The following GNG2 variants were observed in gnomAD, a reference collection of about 807,000 sequenced individuals.
GNG2 encodes guanine nucleotide-binding protein G(I)/G(S)/G(O) subunit gamma-2.
GNG2 carries 5 observed loss-of-function variants against 5.5 expected under a neutral mutation model. The ratio of observed to expected loss-of-function variants is 0.91; its 90% CI spans 0.48 to 1.92. The LOEUF (loss-of-function observed/expected upper bound fraction) is 1.92, where lower values mean the gene tolerates loss of function less well. GNG2 is among the 30% of genes most tolerant of loss of function. The pLI is 0.01. For missense variants in GNG2, 55 were observed against 88.4 expected, an observed-to-expected ratio of 0.62 and a Z score of 1.52; for synonymous variants, 28 against 32.0, an observed-to-expected ratio of 0.88 and a Z score of 0.42.
intron 2 of GNG2, among the ~76,000 whole-genome samples, chr14:51,832,651 T>C (rs1881229364): frequency 6.6e-6 from 1 of 152,240 alleles, no homozygotes; most frequent in Non-Finnish European, 1.5e-5. Flanking sequence ...GTTCTCTTTC[T>C]GGATTTTGGA....
chr14:51,943,237 T>G (rs1406934920), intron 2 of GNG2, among the ~76,000 whole-genome samples: 1 of 152,218 alleles, frequency 6.6e-6, no homozygotes, highest in Non-Finnish European at 1.5e-5. Context: ...CACCCTCTTT[T>G]TAACCAAAAG....
intron 2 of GNG2, among the ~76,000 whole-genome samples, chr14:51,888,660 G>T (rs778223869): frequency 5.9e-5 from 9 of 152,116 alleles, no homozygotes; most frequent in Non-Finnish European, 1.0e-4. Context: ...TACCACAGCT[G>T]ACGTCTCCAT....
chr14:51,915,212 C>T lies in GNG2; in HGVS notation c.-29-35438C>T, dbSNP rs993604591. On this transcript the variant is annotated intron_variant, in intron 2 of 3. Coordinates refer to ENST00000556766, the MANE Select transcript of GNG2 (RefSeq NM_053064.5). ...CTTTTCTTAGAATAAGGGCATCATC[C>T]TTAAAGGTAAAAAGCCAAGGCCTTC... Among the ~76,000 whole-genome samples, 10 of 152,290 alleles carry T rather than the reference C, an allele frequency of 6.6e-5. No homozygotes were observed. In the East Asian group the frequency reaches 1.9e-3, roughly 29 times the overall value.
intron 2 of GNG2, among the ~76,000 whole-genome samples, chr14:51,947,426 G>C (rs1888705308): frequency 6.6e-6 from 1 of 152,280 alleles, no homozygotes; most frequent in South Asian, 2.1e-4. Context: ...GTCAGTCAGA[G>C]GAAGATGTGA....
At chr14:51,865,329 C>T (rs1882803081) in intron 1 of GNG2, among the ~76,000 whole-genome samples, 2 of 152,184 alleles carry the variant, frequency 1.3e-5, no homozygotes, top group South Asian at 4.2e-4. Flanking sequence ...TCCACCCTCC[C>T]ACCCTCACCT....
Position 51,834,926 on chromosome 14 carries a change from G to A in GNG2, c.64+7119G>A, listed in dbSNP as rs1426726924. Among the ~76,000 whole-genome samples, 7 of 152,132 alleles carry A rather than the reference G, an allele frequency of 4.6e-5. No homozygotes were observed. In the South Asian group the frequency reaches 6.2e-4, roughly 14 times the overall value. On this transcript the variant is annotated intron_variant, in intron 2 of 3. Coordinates refer to the GNG2 transcript ENST00000553432. ...TAAAGTTACCCTAAATGTCTACCCC[G>A]CTTCTATATAAATGAATAAGGACAA... is the stretch of plus-strand genomic sequence containing the variant.
At chr14:51,840,624 A>G (rs1020172584) in intron 2 of GNG2, among the ~76,000 whole-genome samples, 6 of 152,200 alleles carry the variant, frequency 3.9e-5, no homozygotes, top group African/African-American at 1.4e-4. Flanking sequence ...TGTTGCCTCC[A>G]AATATTTCCT....
At chr14:51,849,212 A>C (rs1881794229) in intron 2 of GNG2, among the ~76,000 whole-genome samples, 1 of 152,170 alleles carries the variant, frequency 6.6e-6, no homozygotes, top group African/African-American at 2.4e-5. Flanking sequence ...AGGAGACCTA[A>C]GATCCTCCCC....
In GNG2 at chr14:51,841,520, G is replaced by C. The variant is rs1389153455; in HGVS notation, c.64+13713G>C. ...CCATTTTACAGACAAGAATCCCAGAGCATAGAAAAGTCACACAGCTAATTA... is the reference window on the plus strand; with the variant it reads ...CCATTTTACAGACAAGAATCCCAGACCATAGAAAAGTCACACAGCTAATTA... On this transcript the variant is annotated intron_variant, in intron 2 of 3. Coordinates refer to the GNG2 transcript ENST00000553432. 3 of 702,046 alleles carry C rather than the reference G, an allele frequency of 4.3e-6. No homozygotes were observed. In the African/African-American group the frequency reaches 5.2e-5, roughly 12 times the overall value. The allele number at this position is 702,046 out of a possible 1,614,324, so 43.5% of individuals were successfully genotyped here.
intron 2 of GNG2, among the ~76,000 whole-genome samples, chr14:51,842,237 C>A (rs1594830466): frequency 6.6e-6 from 1 of 152,202 alleles, no homozygotes. Flanking sequence ...CAAGAAGGTA[C>A]AATTAGAATC....
At chr14:51,891,970 A>G (rs1462479861) in intron 2 of GNG2, among the ~76,000 whole-genome samples, 2 of 152,250 alleles carry the variant, frequency 1.3e-5, no homozygotes, top group South Asian at 2.1e-4. Context: ...GGCATAGAAC[A>G]TTGCAAATAT....
chr14:51,907,054 C>T (rs1052133190), intron 2 of GNG2, among the ~76,000 whole-genome samples: 3 of 152,118 alleles, frequency 2.0e-5, no homozygotes, highest in Non-Finnish European at 2.9e-5. Context: ...CGTGCCCGGC[C>T]GCTGGAGAAT....
intron 1 of GNG2, chr14:51,827,559 C>CA (rs1387202071): frequency 3.4e-6 from 2 of 595,094 alleles, no homozygotes; most frequent in African/African-American, 3.8e-5. Context: ...TTTTTGATGT[C>CA]ATACAGTTCC....
intron 2 of GNG2, among the ~76,000 whole-genome samples, chr14:51,830,406 TC>T (rs1881149405): frequency 6.6e-6 from 1 of 152,196 alleles, no homozygotes; most frequent in Admixed American, 6.5e-5. Context: ...TAGCAAAGAC[TC>T]CTCACCTGGA....
At chr14:51,926,751 A>G (rs145853426) in intron 2 of GNG2, among the ~76,000 whole-genome samples, 59 of 152,228 alleles carry the variant, frequency 3.9e-4, no homozygotes, top group African/African-American at 1.3e-3. Context: ...TGGCTTTGCT[A>G]AGGGTCCCTG....
At chr14:51,928,995 G>T (rs1490458145) in intron 2 of GNG2, among the ~76,000 whole-genome samples, 3 of 152,154 alleles carry the variant, frequency 2.0e-5, no homozygotes, top group Non-Finnish European at 4.4e-5. Flanking sequence ...CATTTTTAAA[G>T]ACTTTTATTA....
intron 2 of GNG2, among the ~76,000 whole-genome samples, chr14:51,914,612 G>C (rs956571620): frequency 6.6e-6 from 1 of 152,138 alleles, no homozygotes; most frequent in African/African-American, 2.4e-5. Flanking sequence ...TAATTCATTT[G>C]TAAGTGAAAT....
chr14:51,928,203 T>C (rs1349654808), intron 2 of GNG2, among the ~76,000 whole-genome samples: 1 of 151,988 alleles, frequency 6.6e-6, no homozygotes, highest in Non-Finnish European at 1.5e-5. Context: ...CTAATTTTTT[T>C]GTATTTTTAG....
At chr14:51,914,090 CT>C in intron 2 of GNG2, 1 of 609,292 alleles carries the variant, frequency 1.6e-6, no homozygotes, top group Non-Finnish European at 3.0e-6. Flanking sequence ...GCTTGCTTGC[CT>C]TTTTATCTAC....
Sources: allele counts gnomAD v4.1 joint callset (sites outside exome capture counted in the v4.1 genomes callset), GRCh38; gene constraint gnomAD v4.1.1; transcripts MANE v1.5; gene names NCBI Gene and HGNC (gene_info 2026-07-23, HGNC 2026-07-21).